Variants in ARMC2 observed in about 807,000 individuals in gnomAD.
The protein encoded by ARMC2 is armadillo repeat containing 2, also known as armadillo repeat-containing protein 2.
A neutral mutation model predicts 90.3 loss-of-function variants in ARMC2; 67 were observed. That is an observed-to-expected ratio of 0.74 (90% CI 0.61 to 0.91). The LOEUF (loss-of-function observed/expected upper bound fraction) is 0.91, where lower values mean the gene tolerates loss of function less well. Ranked by LOEUF, ARMC2 falls within the 40% of genes least tolerant of loss-of-function variation. The pLI, the probability that ARMC2 is intolerant of heterozygous loss-of-function variation, is 0.00. For synonymous variants in ARMC2, 393 were observed against 393.0 expected, an observed-to-expected ratio of 1.00 and a Z score of 0.00; for missense variants, 920 against 1,030.9, an observed-to-expected ratio of 0.89 and a Z score of 1.47.
At chr6:108,889,754 T>C (rs1770763112) in intron 5 of ARMC2, among the ~76,000 whole-genome samples, 1 of 151,774 alleles carries the variant, frequency 6.6e-6, no homozygotes, top group South Asian at 2.1e-4. Flanking sequence ...GGCCAACTTT[T>C]ATTCTTTTAA....
intron 12 of ARMC2, among the ~76,000 whole-genome samples, chr6:108,951,198 C>A (rs1307270075): frequency 1.3e-5 from 2 of 152,212 alleles, no homozygotes; most frequent in Non-Finnish European, 1.5e-5. Context: ...CCTTTCACGT[C>A]TCGCTTCTTC....
chr6:108,969,742 T>C (rs975981511), intron 17 of ARMC2, among the ~76,000 whole-genome samples: 4 of 152,184 alleles, frequency 2.6e-5, no homozygotes, highest in African/African-American at 9.6e-5. Context: ...ATTCAAATCT[T>C]AAAAAGAATT....
At chr6:108,997,266 C>A in the ARMC2 span, among the ~76,000 whole-genome samples, 1 of 152,144 alleles carries the variant, frequency 6.6e-6, no homozygotes, top group Non-Finnish European at 1.5e-5. Context: ...TAGAAACAAT[C>A]AAGTACTTTT....
intron 5 of ARMC2, among the ~76,000 whole-genome samples, chr6:108,877,557 C>G (rs1419243077): frequency 6.6e-6 from 1 of 152,140 alleles, no homozygotes; most frequent in Non-Finnish European, 1.5e-5. Context: ...GCAGACAAAT[C>G]GTTTCCAGTT....
At chr6:109,032,033 G>A in the ARMC2 span, among the ~76,000 whole-genome samples, 2 of 152,126 alleles carry the variant, frequency 1.3e-5, no homozygotes, top group African/African-American at 4.8e-5. Flanking sequence ...ACTTATATGT[G>A]GAATTTTCCG....
rs1211217863 is a variant in ARMC2, at chr6:108,912,352, C to A, written c.1144C>A (p.Leu382Ile). ...DSILESLLEVLRSEDLQTNME... is the reference protein window; with the variant it reads ...DSILESLLEVIRSEDLQTNME... Reference sequence around the variant, plus strand: ...TTTGACAGAATCATTATTGGAGGTACTAAGAAGTGAAGACCTGCAAACTAA... The same window carrying A: ...TTTGACAGAATCATTATTGGAGGTAATAAGAAGTGAAGACCTGCAAACTAA... Residue 382 changes from leucine to isoleucine, a missense_variant, in exon 10 of 18, where the codon CTA (leucine) becomes ATA (isoleucine). Physicochemically the swap from Leu to Ile is conservative, Grantham distance 5. Coordinates refer to ENST00000392644, the MANE Select transcript of ARMC2 (RefSeq NM_032131.6). 1.2e-6 allele frequency: 2 copies of A among 1,606,212 alleles called. No homozygotes were observed. The highest frequency in any genetic ancestry group is 2.7e-5 in the African/African-American group (2 of 74,592).
intron 4 of ARMC2, among the ~76,000 whole-genome samples, chr6:108,870,446 G>T (rs1562334503): frequency 1.3e-5 from 2 of 151,838 alleles, no homozygotes; most frequent in African/African-American, 4.8e-5. Context: ...TCACTTGCCT[G>T]TGTGGTCCCT....
chr6:108,974,403 T>A lies in ARMC2; in HGVS notation c.*889T>A, dbSNP rs1195442491. 6.6e-6 allele frequency: 1 copy of A among 152,278 alleles called. No individual in the cohort carries two copies. The highest frequency in any genetic ancestry group is 3.2e-3 in the Middle Eastern group (1 of 316). 9.4% of individuals were successfully genotyped at this position (152,278 alleles called of 1,614,324 possible). A position where few individuals can be genotyped will look rare whatever the true frequency, so the allele number is the denominator to read the frequency against. On this transcript the variant is annotated 3_prime_UTR_variant, in exon 18 of 18. Transcript: ENST00000392644. ...GAGTGGGTGTTCAAGAACATTATGATGGCAAGCACTTTCTTAGCTTGCCAT... is the reference window on the plus strand; with the variant it reads ...GAGTGGGTGTTCAAGAACATTATGAAGGCAAGCACTTTCTTAGCTTGCCAT...
At chr6:108,935,833 G>A (rs967792663) in intron 11 of ARMC2, among the ~76,000 whole-genome samples, 1 of 151,842 alleles carries the variant, frequency 6.6e-6, no homozygotes, top group Non-Finnish European at 1.5e-5. Context: ...CTATAAGTTA[G>A]GTGTTCTTAC....
chr6:108,860,765 T>C (rs1775154843), intron 3 of ARMC2, among the ~76,000 whole-genome samples: 1 of 151,704 alleles, frequency 6.6e-6, no homozygotes, highest in African/African-American at 2.4e-5. Flanking sequence ...GACTGGGCTG[T>C]GTTGTTGATG....
intron 9 of ARMC2, 80 bp downstream of exon 9, chr6:108,911,081 C>CA: frequency 1.2e-6 from 1 of 813,616 alleles, no homozygotes; most frequent in South Asian, 1.9e-5. Flanking sequence ...AATATATAAT[C>CA]AATGATAGCA....
At chr6:108,892,962 T>A (rs1675130461) in intron 5 of ARMC2, among the ~76,000 whole-genome samples, 2 of 152,196 alleles carry the variant, frequency 1.3e-5, no homozygotes, top group Non-Finnish European at 1.5e-5. Context: ...AAGCCTTCTT[T>A]GTGAGTTTTT....
downstream of ARMC2, among the ~76,000 whole-genome samples, chr6:108,976,392 G>GT (rs538730916): frequency 4.9e-4 from 74 of 152,040 alleles, no homozygotes; most frequent in African/African-American, 1.5e-3. Flanking sequence ...GTACCATGCT[G>GT]TTTTTTTTAC....
chr6:108,992,850 A>C, the ARMC2 span: 8 of 1,613,754 alleles, frequency 5.0e-6, no homozygotes, highest in Non-Finnish European at 6.8e-6. Flanking sequence ...CATAACTAGT[A>C]TCCTCAAAAT....
At chr6:108,985,354 G>T in the ARMC2 span, among the ~76,000 whole-genome samples, 1 of 152,160 alleles carries the variant, frequency 6.6e-6, no homozygotes, top group East Asian at 1.9e-4. Flanking sequence ...TATTTTAGAA[G>T]AAAATTTTCC....
At chr6:108,984,862 G>A in the ARMC2 span, among the ~76,000 whole-genome samples, 2 of 152,038 alleles carry the variant, frequency 1.3e-5, no homozygotes, top group African/African-American at 2.4e-5. Flanking sequence ...CTTTTGGTGC[G>A]GCCTTTTCCT....
chr6:109,034,542 T>G, the ARMC2 span, among the ~76,000 whole-genome samples: 2 of 152,346 alleles, frequency 1.3e-5, no homozygotes, highest in East Asian at 3.9e-4. Context: ...TATTCTCTCC[T>G]TCTTCTGTGG....
chr6:108,970,502 T>C (rs1213433009), intron 17 of ARMC2, among the ~76,000 whole-genome samples: 4 of 143,982 alleles, frequency 2.8e-5, no homozygotes, highest in South Asian at 2.3e-4. Context: ...TTCTTTTTTT[T>C]TTTTTTTTTT....
At chr6:109,001,653 T>C in the ARMC2 span, among the ~76,000 whole-genome samples, 6 of 152,080 alleles carry the variant, frequency 3.9e-5, no homozygotes, top group Admixed American at 3.9e-4. Context: ...TACAGAAGAA[T>C]AAACAGTTAC....
Sources: allele counts gnomAD v4.1 joint callset (sites outside exome capture counted in the v4.1 genomes callset), GRCh38; gene constraint gnomAD v4.1.1; transcripts MANE v1.5; gene names NCBI Gene and HGNC (gene_info 2026-07-23, HGNC 2026-07-21).